The following RBMS3 variants were observed in gnomAD, a reference collection of about 807,000 sequenced individuals.
RBMS3 encodes RNA-binding motif, single-stranded-interacting protein 3.
RBMS3 carries 27 observed loss-of-function variants against 66.8 expected under a neutral mutation model. The observed-to-expected ratio is 0.40, with a 90% CI of 0.30 to 0.56. The LOEUF is 0.56. RBMS3 is among the 20% of genes least tolerant of loss of function. The pLI is 0.40. For synonymous variants in RBMS3, 188 were observed against 183.0 expected (o/e 1.03, Z -0.22); for missense variants, 513 against 549.5 (o/e 0.93, Z 0.66).
At chr3:29,329,428 C>T (rs1301287216) in intron 1 of RBMS3, among the ~76,000 whole-genome samples, 1 of 151,946 alleles carries the variant, frequency 6.6e-6, no homozygotes, top group Admixed American at 6.6e-5. Flanking sequence ...ACAGGAGAGT[C>T]TATAGTTAGC....
At position 29,468,988 on chromosome 3, in the gene RBMS3, A is replaced by G. The variant is rs60730488; in HGVS notation, c.249-19453A>G. Among the ~76,000 whole-genome samples, 1,018 of 152,238 alleles carry G rather than the reference A, an allele frequency of 6.7e-3. 19 individuals carry two copies. Among genetic ancestry groups the G allele is most frequent in the African/African-American group, 0.023 (970 of 41,570 alleles). ...TCCAAAAGCATGGTGAATTATAGAGAAATGGTGGGACATAATATTACAAAC... is the reference window on the plus strand; with the variant it reads ...TCCAAAAGCATGGTGAATTATAGAGGAATGGTGGGACATAATATTACAAAC... On this transcript the variant is annotated intron_variant, in intron 2 of 14. Transcript: ENST00000383767.
At chr3:29,871,252 T>C (rs1035426607) in intron 7 of RBMS3, among the ~76,000 whole-genome samples, 1 of 152,194 alleles carries the variant, frequency 6.6e-6, no homozygotes, top group Non-Finnish European at 1.5e-5. Context: ...CAAGATAATA[T>C]GCATTTTCTC....
At chr3:29,541,688 A>T (rs1483128751) in intron 3 of RBMS3, among the ~76,000 whole-genome samples, 1 of 152,154 alleles carries the variant, frequency 6.6e-6, no homozygotes, top group African/African-American at 2.4e-5. Flanking sequence ...TCCTGTCCTC[A>T]AAACAACTCC....
chr3:29,689,981 T>G (rs1247692392), intron 4 of RBMS3, among the ~76,000 whole-genome samples: 2 of 144,838 alleles, frequency 1.4e-5, no homozygotes, highest in African/African-American at 5.1e-5. Context: ...ATGCTATTAC[T>G]GTTTCTTTCA....
chr3:29,837,494 C>T (rs1308665559), intron 6 of RBMS3, among the ~76,000 whole-genome samples: 1 of 151,294 alleles, frequency 6.6e-6, no homozygotes, highest in African/African-American at 2.4e-5. Context: ...TCTCCTTACC[C>T]ATAAGCTAGG....
chr3:29,704,722 G>A (rs1392405390), intron 4 of RBMS3, among the ~76,000 whole-genome samples: 1 of 152,132 alleles, frequency 6.6e-6, no homozygotes, highest in Non-Finnish European at 1.5e-5. Context: ...TTTTTGAATT[G>A]CTGTGTTGAT....
chr3:29,823,052 TA>T (rs2058112341), intron 6 of RBMS3, among the ~76,000 whole-genome samples: 1 of 152,202 alleles, frequency 6.6e-6, no homozygotes, highest in Non-Finnish European at 1.5e-5. Context: ...TTTACATTTT[TA>T]AATTCACATT....
intron 3 of RBMS3, among the ~76,000 whole-genome samples, chr3:29,581,827 T>C (rs1309236513): frequency 1.3e-5 from 2 of 152,152 alleles, no homozygotes; most frequent in Non-Finnish European, 2.9e-5. Flanking sequence ...TCACTGTTGA[T>C]GGCCCTGCAA....
At chr3:29,703,622 C>T (rs555467030) in intron 4 of RBMS3, among the ~76,000 whole-genome samples, 2 of 152,288 alleles carry the variant, frequency 1.3e-5, no homozygotes, top group Admixed American at 1.3e-4. Context: ...TTTTTATTAT[C>T]TTTCCATTTC....
At chr3:29,723,935 C>T (rs1033102544) in intron 4 of RBMS3, among the ~76,000 whole-genome samples, 7 of 151,764 alleles carry the variant, frequency 4.6e-5, no homozygotes, top group African/African-American at 1.7e-4. Context: ...CCAGGGAAGT[C>T]TGAATAACAC....
At chr3:29,309,693 T>G (rs1449509814) in intron 1 of RBMS3, among the ~76,000 whole-genome samples, 2 of 151,646 alleles carry the variant, frequency 1.3e-5, no homozygotes, top group East Asian at 3.9e-4. Context: ...AAAGGGAATA[T>G]GAAATTTCAT....
chr3:29,993,298 T>C (rs993241907), intron 14 of RBMS3, among the ~76,000 whole-genome samples: 5 of 151,884 alleles, frequency 3.3e-5, no homozygotes, highest in East Asian at 3.9e-4. Context: ...TCCAAGCATA[T>C]TGAAATTTTT....
chr3:29,812,841 A>C (rs1356889614), intron 6 of RBMS3, among the ~76,000 whole-genome samples: 1 of 152,172 alleles, frequency 6.6e-6, no homozygotes, highest in Non-Finnish European at 1.5e-5. Context: ...GAGATGGTAG[A>C]ACATATAAAT....
chr3:29,870,725 A>G (rs1185419683), intron 7 of RBMS3, among the ~76,000 whole-genome samples: 2 of 152,170 alleles, frequency 1.3e-5, no homozygotes, highest in Non-Finnish European at 2.9e-5. Flanking sequence ...TTTTAAAGGT[A>G]TATTCCTAAT....
intron 4 of RBMS3, among the ~76,000 whole-genome samples, chr3:29,603,168 GTAA>G (rs2048204767): frequency 6.6e-6 from 1 of 151,958 alleles, no homozygotes; most frequent in African/African-American, 2.4e-5. Flanking sequence ...CAAGTAGCAA[GTAA>G]TAATACTTGT....
chr3:29,469,680 C>T (rs868225433), intron 2 of RBMS3, among the ~76,000 whole-genome samples: 1 of 134,702 alleles, frequency 7.4e-6, no homozygotes, highest in Non-Finnish European at 1.6e-5. Flanking sequence ...TATATATATA[C>T]ATACGTATAA....
At chr3:29,765,982 C>G (rs2371815) in intron 6 of RBMS3, 50,051 of 151,864 alleles carry the variant, frequency 0.33, 8,388 homozygotes, top group African/African-American at 0.39. Flanking sequence ...AGAACAGCAC[C>G]GGAAAGACCT....
intron 3 of RBMS3, among the ~76,000 whole-genome samples, chr3:29,565,996 T>C (rs73831606): frequency 0.014 from 2,148 of 152,216 alleles, 44 homozygotes; most frequent in African/African-American, 0.05. Flanking sequence ...CAGAGAGTTA[T>C]GAGAATTATA....
chr3:29,896,315 T>A (rs766960102), intron 8 of RBMS3, among the ~76,000 whole-genome samples: 1 of 151,296 alleles, frequency 6.6e-6, no homozygotes, highest in Non-Finnish European at 1.5e-5. Flanking sequence ...CACTGACCCC[T>A]GAGGTTGGAT....
Sources: gnomAD v4.1 joint callset for allele counts (sites outside exome capture counted in the v4.1 genomes callset) on GRCh38, gnomAD v4.1.1 for gene constraint, MANE v1.5 for transcripts, NCBI Gene and HGNC (gene_info 2026-07-23, HGNC 2026-07-21) for gene names.